The following REEP1 variants were observed in gnomAD, a reference collection of about 807,000 sequenced individuals.
REEP1 encodes receptor expression-enhancing protein 1.
A neutral mutation model predicts 40.3 loss-of-function variants in REEP1; 22 were observed. The observed-to-expected ratio is 0.55, with a 90% CI of 0.39 to 0.78. The LOEUF is 0.78. Among genes scored for constraint, REEP1 ranks in the 30% least tolerant of loss-of-function variants. The probability of loss-of-function intolerance (pLI) is 0.00; values close to 1 mark genes in which losing one functional copy is unlikely to be tolerated. For synonymous variants in REEP1, 116 were observed against 139.2 expected (o/e 0.83, Z 1.17); for missense variants, 280 against 361.1 (o/e 0.78, Z 1.82).
intron 3 of REEP1, among the ~76,000 whole-genome samples, chr2:86,259,265 A>G (rs1302367852): frequency 5.1e-5 from 3 of 59,254 alleles, no homozygotes; most frequent in Admixed American, 5.4e-4. Context: ...ACTCTGTCTA[A>G]AAAAAAAAAC....
intron 5 of REEP1, among the ~76,000 whole-genome samples, chr2:86,241,875 G>C (rs778711852): frequency 1.3e-5 from 2 of 152,178 alleles, no homozygotes; most frequent in Non-Finnish European, 2.9e-5. Context: ...GAAAAGTCAG[G>C]CCCAGAACAG....
At position 86,323,396 on chromosome 2, in the gene REEP1, G is replaced by GAC. The variant is rs563665920; in HGVS notation, c.32+14081_32+14082dup. ...CCCCAACCCCTGGGCTGCAGACAAG[G>GAC]ACGGAGACTGGTCTGTGGTCTGTTA... On this transcript the variant is annotated intron_variant, in intron 1 of 8. Transcript: ENST00000538924. Among the ~76,000 whole-genome samples the GAC allele has an allele frequency of 1.6e-3, 236 of 151,952 alleles. 2 individuals carry two copies. Among genetic ancestry groups the GAC allele is most frequent in the African/African-American group, 5.6e-3 (230 of 41,434 alleles).
At chr2:86,297,708 C>T (rs1316078178) in intron 1 of REEP1, 12 of 985,308 alleles carry the variant, frequency 1.2e-5, no homozygotes, top group African/African-American at 7.0e-5. Context: ...TGGGGAGGAG[C>T]GTCACTGTCT....
chr2:86,307,262 A>G (rs1407982338), intron 1 of REEP1, among the ~76,000 whole-genome samples: 3 of 152,128 alleles, frequency 2.0e-5, no homozygotes, highest in Non-Finnish European at 4.4e-5. Context: ...ATCTAGCATA[A>G]GGAAAAGACC....
chr2:86,294,867 T>C (rs1487419203), intron 1 of REEP1, among the ~76,000 whole-genome samples: 1 of 152,116 alleles, frequency 6.6e-6, no homozygotes, highest in Non-Finnish European at 1.5e-5. Context: ...ACTGGGTTTG[T>C]CTGGCAGCAG....
intron 1 of REEP1, among the ~76,000 whole-genome samples, chr2:86,321,831 T>A (rs1322367014): frequency 6.6e-6 from 1 of 152,216 alleles, no homozygotes; most frequent in African/African-American, 2.4e-5. Flanking sequence ...TGATACTTTA[T>A]GGGAAAATGT....
chr2:86,284,729 GA>G (rs1678296863), intron 1 of REEP1, among the ~76,000 whole-genome samples: 1 of 152,170 alleles, frequency 6.6e-6, no homozygotes, highest in African/African-American at 2.4e-5. Context: ...CCCAGGAGCT[GA>G]TTGATGGGAT....
In REEP1 at chr2:86,215,023, C is replaced by CTTTTTTTTTTTTTTTTTTTT. The variant is rs11350708; in HGVS notation, c.*1996_*2015dup. On this transcript the variant is annotated 3_prime_UTR_variant, in exon 9 of 9. Transcript: ENST00000538924. ...AAAAATTGCTAAGAAGCTGTGTAAGCTTTTTTTTTTTTTTTTTTTTTTTGC... is the reference window on the plus strand; with the variant it reads ...AAAAATTGCTAAGAAGCTGTGTAAGCTTTTTTTTTTTTTTTTTTTTTTTTTTTTTTTTTTTTTTTTTTTGC... 6.7e-5 allele frequency: 4 copies of CTTTTTTTTTTTTTTTTTTTT among 59,572 alleles called. No homozygotes were observed. The highest frequency in any genetic ancestry group is 8.6e-5 in the Non-Finnish European group (3 of 34,804). 3.7% of individuals were successfully genotyped at this position (59,572 alleles called of 1,614,324 possible).
intron 1 of REEP1, among the ~76,000 whole-genome samples, chr2:86,331,207 C>T (rs948385253): frequency 1.3e-5 from 2 of 152,308 alleles, no homozygotes; most frequent in Admixed American, 6.5e-5. Flanking sequence ...CTCTGGAACC[C>T]ATAGGCAAGG....
At chr2:86,274,899 T>C (rs1400305526) in intron 2 of REEP1, among the ~76,000 whole-genome samples, 1 of 152,088 alleles carries the variant, frequency 6.6e-6, no homozygotes, top group East Asian at 1.9e-4. Context: ...CTGGAGACTT[T>C]CCATGAGCCA....
At chr2:86,272,292 T>C (rs1677500982) in intron 2 of REEP1, among the ~76,000 whole-genome samples, 1 of 152,250 alleles carries the variant, frequency 6.6e-6, no homozygotes, top group African/African-American at 2.4e-5. Context: ...GAGTCATCTA[T>C]ACTTGCAAGA....
At chr2:86,251,636 C>G in intron 5 of REEP1, 1 of 385,756 alleles carries the variant, frequency 2.6e-6, no homozygotes, top group South Asian at 2.2e-5. Flanking sequence ...GCCTAAGTGC[C>G]AAGTAAGTTA....
intron 5 of REEP1, among the ~76,000 whole-genome samples, chr2:86,248,834 T>C (rs1449351223): frequency 6.6e-6 from 1 of 152,208 alleles, no homozygotes; most frequent in Non-Finnish European, 1.5e-5. Context: ...GTTTGAACAA[T>C]AAATTATATA....
chr2:86,230,135 G>A (rs1674928570), intron 6 of REEP1, among the ~76,000 whole-genome samples: 2 of 152,194 alleles, frequency 1.3e-5, no homozygotes, highest in Non-Finnish European at 2.9e-5. Flanking sequence ...CTGCCTCCCT[G>A]GGGCATGGCA....
chr2:86,310,539 A>G (rs1316446021), intron 1 of REEP1, among the ~76,000 whole-genome samples: 2 of 152,156 alleles, frequency 1.3e-5, no homozygotes, highest in Non-Finnish European at 2.9e-5. Flanking sequence ...ACATACCCCT[A>G]TTATTAAGCA....
At chr2:86,254,346 A>C (rs548708161) in intron 4 of REEP1, among the ~76,000 whole-genome samples, 58 of 152,332 alleles carry the variant, frequency 3.8e-4, no homozygotes, top group Non-Finnish European at 4.9e-4. Context: ...GTAAGATTTA[A>C]AATAGTCTAT....
At chr2:86,252,098 G>T in intron 4 of REEP1, 28 bp from the exon 5 acceptor site, 2 of 1,458,476 alleles carry the variant, frequency 1.4e-6, no homozygotes, top group Non-Finnish European at 1.9e-6. Context: ...GAGGCACACT[G>T]AGCTGGAAGG....
chr2:86,282,090 G>C (rs539320097), intron 2 of REEP1, 80 bp downstream of exon 2: 1 of 933,672 alleles, frequency 1.1e-6, no homozygotes, highest in Admixed American at 1.7e-5. Flanking sequence ...CCCATAGCAC[G>C]GAGGGCATCC....
Position 86,216,854 on chromosome 2 carries a change from G to C in REEP1, c.*185C>G. The C allele has an allele frequency of 1.8e-6, 1 of 563,402 alleles. No homozygotes were observed. Among genetic ancestry groups the C allele is most frequent in the South Asian group, 2.1e-5 (1 of 48,334 alleles). The allele number at this position is 563,402 out of a possible 1,614,324, so 34.9% of individuals were successfully genotyped here. A position where few individuals can be genotyped will look rare whatever the true frequency, so the allele number is the denominator to read the frequency against. On this transcript the variant is annotated 3_prime_UTR_variant, in exon 9 of 9. Transcript: ENST00000538924. Reference sequence around the variant, plus strand: ...TACCTTTCCCTTTAGCCTCTCCCCAGCAAAATAAAGAAAAGGGGGAAAAAA... The same window carrying C: ...TACCTTTCCCTTTAGCCTCTCCCCACCAAAATAAAGAAAAGGGGGAAAAAA...
Sources: gnomAD v4.1 joint callset for allele counts (sites outside exome capture counted in the v4.1 genomes callset) on GRCh38, gnomAD v4.1.1 for gene constraint, MANE v1.5 for transcripts, NCBI Gene and HGNC (gene_info 2026-07-23, HGNC 2026-07-21) for gene names.